RNF157: variants seen among roughly 807,000 people sequenced by gnomAD.
The protein encoded by RNF157 is ring finger protein 157, also known as E3 ubiquitin ligase RNF157.
RNF157 carries 55 observed loss-of-function variants against 88.3 expected under a neutral mutation model. That is an observed-to-expected ratio of 0.62 (90% CI 0.50 to 0.78). The LOEUF is 0.78. Ranked by LOEUF, RNF157 falls within the 30% of genes least tolerant of loss-of-function variation. The pLI is 0.00. For synonymous variants in RNF157, 334 were observed against 341.2 expected, an observed-to-expected ratio of 0.98 and a Z score of 0.23; for missense variants, 788 against 860.8, an observed-to-expected ratio of 0.92 and a Z score of 1.06.
intron 1 of RNF157, among the ~76,000 whole-genome samples, chr17:76,234,339 AT>A: frequency 6.6e-6 from 1 of 152,244 alleles, no homozygotes; most frequent in East Asian, 1.9e-4. Context: ...TGAGTAATTC[AT>A]GTGCAAGTTT....
chr17:76,167,165 C>T (rs2068940962), intron 4 of RNF157, 39 bp from the exon 5 acceptor site: 1 of 1,477,900 alleles, frequency 6.8e-7, no homozygotes, highest in African/African-American at 1.4e-5. Flanking sequence ...AAGTCAGTAT[C>T]CGGCACAGAT....
chr17:76,215,540 TA>T (rs146194120), intron 1 of RNF157, among the ~76,000 whole-genome samples: 18,181 of 124,988 alleles, frequency 0.15, 1,551 homozygotes, highest in African/African-American at 0.27. Flanking sequence ...TATAGCAAAC[TA>T]AAAAAAAAAA....
chr17:76,159,934 T>C (rs2068823187), intron 11 of RNF157, among the ~76,000 whole-genome samples: 1 of 152,188 alleles, frequency 6.6e-6, no homozygotes, highest in South Asian at 2.1e-4. Flanking sequence ...ATTTACACAG[T>C]TTTGATCAAT....
chr17:76,210,452 T>C (rs1398554905), intron 2 of RNF157, among the ~76,000 whole-genome samples: 1 of 150,400 alleles, frequency 6.6e-6, no homozygotes, highest in African/African-American at 2.4e-5. Flanking sequence ...TAGCCGGGTG[T>C]AGTGGCGGGT....
chr17:76,165,289 ATTTAT>A (rs941294175), intron 7 of RNF157, among the ~76,000 whole-genome samples: 8 of 151,866 alleles, frequency 5.3e-5, no homozygotes. Flanking sequence ...TCTTTCTTTT[ATTTAT>A]TTATTTTTTT....
Position 76,212,431 on chromosome 17 carries a change from G to C in RNF157, c.140C>G (p.Thr47Ser). Residue 47 changes from threonine (T) to serine (S), a missense_variant, in exon 2 of 19, where the codon ACT becomes AGT. Transcript: ENST00000269391. ...FIMGGEKFDS[T>S]HPEGYLFGEN... is the part of the protein sequence containing the mutation. ...TCCAAACAGGTAACCTTCAGGATGA[G>C]TTGAGTCAAACTTCTCTCCTCCCAT... 2.5e-6 allele frequency: 4 copies of C among 1,613,894 alleles called. No homozygotes were observed. The highest frequency in any genetic ancestry group is 3.4e-6 in the Non-Finnish European group (4 of 1,179,932).
intron 2 of RNF157, among the ~76,000 whole-genome samples, chr17:76,194,859 C>CA (rs1262516853): frequency 1.1e-4 from 17 of 151,976 alleles, no homozygotes; most frequent in African/African-American, 2.7e-4. Context: ...ACTAAAAATA[C>CA]AAAAAATTAG....
chr17:76,161,764 A>G lies in RNF157; in HGVS notation c.952+79T>C. 6.4e-7 allele frequency: 1 copy of G among 1,558,058 alleles called. No individual in the cohort carries two copies. Among genetic ancestry groups the G allele is most frequent in the African/African-American group, 1.4e-5 (1 of 73,822 alleles). On this transcript the variant is annotated intron_variant, in intron 10 of 18. Transcript: ENST00000269391. This position sits in a 1 kb window ranked among gnomAD's most constrained non-coding sequence, Gnocchi z 4.6. ...GCATCCGTTTGTCAGATCCAGCAGC[A>G]GCACATGCTTCAGTGTTTTGTAAAT... is the stretch of plus-strand genomic sequence containing the variant.
chr17:76,174,275 T>C (rs1255549275), intron 2 of RNF157, among the ~76,000 whole-genome samples: 1 of 152,166 alleles, frequency 6.6e-6, no homozygotes, highest in East Asian at 1.9e-4. Flanking sequence ...AGCTGAAGTT[T>C]GCAAACAGTA....
At chr17:76,178,695 C>A (rs950081954) in intron 2 of RNF157, among the ~76,000 whole-genome samples, 4 of 152,180 alleles carry the variant, frequency 2.6e-5, no homozygotes, top group African/African-American at 9.7e-5. Flanking sequence ...CTTATTTAAT[C>A]TTTGGAGGAA....
chr17:76,188,002 G>A (rs1434910117), intron 2 of RNF157, among the ~76,000 whole-genome samples: 1 of 152,190 alleles, frequency 6.6e-6, no homozygotes, highest in African/African-American at 2.4e-5. Context: ...GTTCCGTTTT[G>A]CATTGCTAAG....
At chr17:76,169,263 A>G (rs1424043883) in intron 3 of RNF157, among the ~76,000 whole-genome samples, 3 of 148,120 alleles carry the variant, frequency 2.0e-5, no homozygotes, top group Non-Finnish European at 3.0e-5. Flanking sequence ...TTCTATTGAA[A>G]TTTTCATTTC....
intron 2 of RNF157, among the ~76,000 whole-genome samples, chr17:76,192,966 C>T (rs912454995): frequency 3.3e-5 from 5 of 151,798 alleles, no homozygotes; most frequent in Non-Finnish European, 5.9e-5. Context: ...GAGTAACAGC[C>T]GCGCGCCACC....
intron 1 of RNF157, among the ~76,000 whole-genome samples, chr17:76,222,122 G>T (rs1002455421): frequency 2.0e-5 from 3 of 152,198 alleles, no homozygotes; most frequent in African/African-American, 7.2e-5. Flanking sequence ...GAGGCAGGTG[G>T]ATCACTTAAG....
rs35564567 is a variant in RNF157, at chr17:76,163,190, CT to C, written c.721-568del. ...AAATTACACCTCTTGGCCCTGTTTC[CT>C]TTTTTTTTTTTTTTTTTTTGAGATA... On this transcript the variant is annotated intron_variant, in intron 8 of 18. Transcript: ENST00000269391. 195 of 121,392 alleles carry C rather than the reference CT, an allele frequency of 1.6e-3. 2 individuals are homozygous for C. Among genetic ancestry groups the C allele is most frequent in the East Asian group, 4.1e-3 (18 of 4,436 alleles). The allele number at this position is 121,392 out of a possible 1,614,324, so 7.5% of individuals were successfully genotyped here.
chr17:76,208,322 C>G, intron 2 of RNF157, among the ~76,000 whole-genome samples: 1 of 152,184 alleles, frequency 6.6e-6, no homozygotes, highest in East Asian at 1.9e-4. Context: ...GTACACCTGG[C>G]CTAATTAGCA....
rs9904343 is a variant in RNF157 at position 76,160,251 on chromosome 17, A to T, written c.1066-678T>A. On this transcript the variant is annotated intron_variant, in intron 11 of 18. Transcript: ENST00000269391. The surrounding 1 kb of genome is among the most constrained non-coding windows in gnomAD (Gnocchi z 4.3). ...TGTCTAACACATCCTATTGTAAACA[A>T]GTTTTGATGAACATCCTTGAATGCC... Among the ~76,000 whole-genome samples, 1 of 152,140 alleles carries T rather than the reference A, an allele frequency of 6.6e-6. No homozygotes were observed. The highest frequency in any genetic ancestry group is 1.5e-5 in the Non-Finnish European group (1 of 68,004).
At chr17:76,159,713 A>T (rs2144830835) in intron 11 of RNF157, 140 bp from the exon 12 acceptor site, 1 of 641,890 alleles carries the variant, frequency 1.6e-6, no homozygotes, top group South Asian at 2.0e-5. Context: ...TACTAGAGGC[A>T]GAGATAAAAT....
Position 76,161,790 on chromosome 17 carries a change from G to A in RNF157, c.952+53C>T. On this transcript the variant is annotated intron_variant, in intron 10 of 18. Coordinates refer to ENST00000269391, the MANE Select transcript of RNF157 (RefSeq NM_052916.3). This position sits in a 1 kb window ranked among gnomAD's most constrained non-coding sequence, Gnocchi z 4.6. ...GCACATGCTTCAGTGTTTTGTAAATGTCCTCTTGTCCCCTCTCCCACCCAC... is the reference window on the plus strand; with the variant it reads ...GCACATGCTTCAGTGTTTTGTAAATATCCTCTTGTCCCCTCTCCCACCCAC... 1 of 1,589,544 alleles carries A rather than the reference G, an allele frequency of 6.3e-7. No homozygotes were observed. Among genetic ancestry groups the A allele is most frequent in the Non-Finnish European group, 8.6e-7 (1 of 1,162,658 alleles).
Sources: allele counts gnomAD v4.1 joint callset (sites outside exome capture counted in the v4.1 genomes callset), GRCh38; gene constraint gnomAD v4.1.1; non-coding constraint Gnocchi (gnomAD v3.1); transcripts MANE v1.5; gene names NCBI Gene and HGNC (gene_info 2026-07-23, HGNC 2026-07-21).